SF3B1: variants seen among roughly 807,000 people sequenced by gnomAD.
SF3B1 encodes the protein pre-mRNA processing 10.
In SF3B1, 12 loss-of-function variants were observed where a neutral mutation model predicts 153.8. That is an observed-to-expected ratio of 0.08 (90% CI 0.05 to 0.13). The LOEUF (loss-of-function observed/expected upper bound fraction) is 0.13, where lower values mean the gene tolerates loss of function less well. SF3B1 is among the 10% of genes least tolerant of loss of function. The pLI, the probability that SF3B1 is intolerant of heterozygous loss-of-function variation, is 1.00. For missense variants in SF3B1, 513 were observed against 1,606.1 expected (o/e 0.32, Z 11.63); for synonymous variants, 498 against 525.2 (o/e 0.95, Z 0.71).
At position 197,402,541 on chromosome 2, in the gene SF3B1, T is replaced by C; in HGVS notation, c.2077+15A>G. 4 of 1,595,018 alleles carry C rather than the reference T, an allele frequency of 2.5e-6. No individual in the cohort carries two copies. The South Asian group carries it at 3.4e-5, about 14-fold the overall frequency. ...AAAGAAAAAAAAAAAAAGACAAAGTTACATTACAACTTACCATGTTCAATG... is the reference window on the plus strand; with the variant it reads ...AAAGAAAAAAAAAAAAAGACAAAGTCACATTACAACTTACCATGTTCAATG... On this transcript the variant is annotated intron_variant, in intron 14 of 24. Coordinates refer to ENST00000335508, the MANE Select transcript of SF3B1 (RefSeq NM_012433.4). This position sits in a 1 kb window ranked among gnomAD's most constrained non-coding sequence, Gnocchi z 4.6.
chr2:197,396,411 T>A, intron 22 of SF3B1, 83 bp from the exon 23 acceptor site: 1 of 1,154,048 alleles, frequency 8.7e-7, no homozygotes, highest in Non-Finnish European at 1.2e-6. Flanking sequence ...AGATGAAAAC[T>A]TTTAAGTATT....
Position 197,392,068 on chromosome 2 carries a change from T to C in SF3B1, c.*235A>G, listed in dbSNP as rs1187103071. Reference sequence around the variant, plus strand: ...AATCTTCATAAAGATGAATTAAAAATGAAATCCCTCCAGTATAGTGTATAT... The same window carrying C: ...AATCTTCATAAAGATGAATTAAAAACGAAATCCCTCCAGTATAGTGTATAT... On this transcript the variant is annotated 3_prime_UTR_variant, in exon 25 of 25. Coordinates refer to ENST00000335508, the MANE Select transcript of SF3B1 (RefSeq NM_012433.4). The C allele has an allele frequency of 3.2e-6, 1 of 310,362 alleles. No homozygotes were observed. Among genetic ancestry groups the C allele is most frequent in the Non-Finnish European group, 5.9e-6 (1 of 169,956 alleles). The allele number at this position is 310,362 out of a possible 1,614,324, so 19.2% of individuals were successfully genotyped here.
At chr2:197,428,850 A>G (rs2085377745) in intron 1 of SF3B1, among the ~76,000 whole-genome samples, 1 of 152,084 alleles carries the variant, frequency 6.6e-6, no homozygotes, top group African/African-American at 2.4e-5. Flanking sequence ...AGCCGAGATC[A>G]CAGCACTGCA....
chr2:197,417,765 A>G (rs1460687152), intron 5 of SF3B1, among the ~76,000 whole-genome samples: 1 of 152,044 alleles, frequency 6.6e-6, no homozygotes, highest in Admixed American at 6.6e-5. Flanking sequence ...CAAAACAAAC[A>G]AACAAAAAGT....
chr2:197,426,881 G>C (rs1189141669), intron 1 of SF3B1, among the ~76,000 whole-genome samples: 1 of 151,938 alleles, frequency 6.6e-6, no homozygotes, highest in East Asian at 1.9e-4. Context: ...AACAGGAAAG[G>C]GGTGCTGTTT....
Position 197,402,992 on chromosome 2 carries a change from T to A in SF3B1, c.1763A>T (p.Tyr588Phe). 6.2e-7 allele frequency: 1 copy of A among 1,614,008 alleles called. No homozygotes were observed. Among genetic ancestry groups the A allele is most frequent in the African/African-American group, 1.3e-5 (1 of 75,054 alleles). Residue 588 changes from tyrosine to phenylalanine, a missense_variant, in exon 13 of 25, where the codon TAT becomes TTT. This residue lies in a region of SF3B1 where 34 missense variants were observed against 190.8 expected (regional missense o/e 0.18). Transcript: ENST00000335508. This position sits in a 1 kb window ranked among gnomAD's most constrained non-coding sequence, Gnocchi z 4.6. ...IEPLLIDEDY[Y>F]ARVEGREIIS... The stretch of plus-strand genomic sequence containing the variant: ...GATCTCTCGGCCTTCCACTCTAGCA[T>A]AGTAATCTTCATCAATCAATAGCGG...
Position 197,402,442 on chromosome 2 carries a change from A to G in SF3B1, c.2077+114T>C. 1.1e-6 allele frequency: 1 copy of G among 888,204 alleles called. No homozygotes were observed. Among genetic ancestry groups the G allele is most frequent in the South Asian group, 1.8e-5 (1 of 56,866 alleles). The allele number at this position is 888,204 out of a possible 1,614,324, so 55.0% of individuals were successfully genotyped here. ...GTACCTCTAGTCCCAACTACTAAGG[A>G]GGCTGAGCAGGAGGATCACTTGAGC... On this transcript the variant is annotated intron_variant, in intron 14 of 24. Coordinates refer to ENST00000335508, the MANE Select transcript of SF3B1 (RefSeq NM_012433.4). This position sits in a 1 kb window ranked among gnomAD's most constrained non-coding sequence, Gnocchi z 4.6.
At chr2:197,408,332 G>C in intron 8 of SF3B1, 37 bp downstream of exon 8, 1 of 1,579,106 alleles carries the variant, frequency 6.3e-7, no homozygotes, top group Non-Finnish European at 8.7e-7. Context: ...ATAATTTATG[G>C]AGAAAAAAAC....
intron 7 of SF3B1, chr2:197,408,833 G>C (rs1045294544): frequency 1.9e-4 from 93 of 477,088 alleles, no homozygotes; most frequent in Middle Eastern, 1.2e-3. Flanking sequence ...TGAAGCAAAA[G>C]AATCACTTGA....
chr2:197,434,188 T>C (rs60697986), intron 1 of SF3B1, among the ~76,000 whole-genome samples: 2,741 of 152,342 alleles, frequency 0.018, 84 homozygotes, highest in African/African-American at 0.063. Context: ...CAACTTCTCA[T>C]GCCTCGTCTT....
chr2:197,418,838 C>G, intron 4 of SF3B1: 1 of 1,523,142 alleles, frequency 6.6e-7, no homozygotes, highest in Non-Finnish European at 8.8e-7. Context: ...AAAATGACAG[C>G]ACAGTTTAGA....
chr2:197,417,961 C>A (rs1559273793), intron 5 of SF3B1, among the ~76,000 whole-genome samples: 1 of 151,228 alleles, frequency 6.6e-6, no homozygotes, highest in Non-Finnish European at 1.5e-5. Context: ...AATGGCCAGG[C>A]ACAGTGGCTC....
At chr2:197,403,074 C>G (rs768691053) in intron 12 of SF3B1, 39 bp from the exon 13 acceptor site, 1 of 1,372,042 alleles carries the variant, frequency 7.3e-7, no homozygotes, top group African/African-American at 1.4e-5. Context: ...ACTTTCACAT[C>G]AATTACTGAT....
chr2:197,422,809 G>A (rs1338666176), intron 2 of SF3B1, among the ~76,000 whole-genome samples: 2 of 151,792 alleles, frequency 1.3e-5, no homozygotes, highest in African/African-American at 4.8e-5. Flanking sequence ...AGAATGCTAT[G>A]AACCCTGGAG....
In SF3B1 at chr2:197,416,364, G is replaced by T. The variant is rs118147637; in HGVS notation, c.666+377C>A. Among the ~76,000 whole-genome samples the T allele has an allele frequency of 5.4e-4, 82 of 152,210 alleles. 5 individuals are homozygous for T. The East Asian group carries it at 0.016, about 29-fold the overall frequency. The stretch of plus-strand genomic sequence containing the variant: ...ATTGCATGCCCCTCAAAATCTGTAT[G>T]TTGAAGTCCTAACCCCCAGTGTGAC... On this transcript the variant is annotated intron_variant, in intron 6 of 24. Transcript: ENST00000335508.
chr2:197,416,663 G>A (rs2106004768), intron 6 of SF3B1, 78 bp downstream of exon 6: 2 of 1,281,486 alleles, frequency 1.6e-6, no homozygotes, highest in East Asian at 2.4e-5. Flanking sequence ...TCTTGCTATG[G>A]CAACCCAAGC....
chr2:197,413,498 TC>T (rs2085101987), intron 6 of SF3B1, among the ~76,000 whole-genome samples: 1 of 152,154 alleles, frequency 6.6e-6, no homozygotes, highest in Non-Finnish European at 1.5e-5. Context: ...AAATGAGAAG[TC>T]CTCACCTTAA....
chr2:197,404,964 C>A, intron 11 of SF3B1, 112 bp downstream of exon 11: 1 of 708,216 alleles, frequency 1.4e-6, no homozygotes, highest in Non-Finnish European at 2.3e-6. Context: ...AGGAGGATCA[C>A]TTGAGACCAG....
intron 3 of SF3B1, 134 bp from the exon 4 acceptor site, chr2:197,420,676 A>G (rs1367561028): frequency 1.7e-6 from 1 of 573,076 alleles, no homozygotes; most frequent in African/African-American, 1.9e-5. Flanking sequence ...CGTTTCACAG[A>G]TAAATGTTAA....
Sources: gnomAD v4.1 joint callset for allele counts (sites outside exome capture counted in the v4.1 genomes callset) on GRCh38, gnomAD v4.1.1 for gene constraint, gnomAD v4.1.1 regional missense constraint, Gnocchi (gnomAD v3.1) non-coding constraint, MANE v1.5 for transcripts, NCBI Gene and HGNC (gene_info 2026-07-23, HGNC 2026-07-21) for gene names.